BCAT2: variants seen among roughly 807,000 people sequenced by gnomAD.
BCAT2 encodes the protein branched chain amino acid transaminase 2.
Under a neutral mutation model 52.9 loss-of-function variants are expected in BCAT2, and 44 were observed. That is an observed-to-expected ratio of 0.83 (90% CI 0.65 to 1.07). The LOEUF is 1.07. Ranked by LOEUF, BCAT2 falls within the 50% of genes least tolerant of loss-of-function variation. The pLI is 0.00. For synonymous variants in BCAT2, 215 were observed against 217.1 expected (o/e 0.99, Z 0.08); for missense variants, 478 against 521.8 (o/e 0.92, Z 0.82).
rs2034782900 is a variant in BCAT2, at chr19:48,806,501, C to T, written c.300+16G>A. ...ATGCAGACAGGGACAGGGAGAGAGG[C>T]CGGCCGCCATGCCACCTGCAGGGAG... On this transcript the variant is annotated intron_variant, in intron 3 of 10. Transcript: ENST00000316273. 6.2e-7 allele frequency: 1 copy of T among 1,613,206 alleles called. No homozygotes were observed. Among genetic ancestry groups the T allele is most frequent in the South Asian group, 1.1e-5 (1 of 91,042 alleles).
intron 3 of BCAT2, among the ~76,000 whole-genome samples, chr19:48,804,156 C>CATAAATAA (rs55857832): frequency 0.73 from 110,297 of 151,022 alleles, 40,505 homozygotes; most frequent in African/African-American, 0.79. Context: ...AACTCTATCT[C>CATAAATAA]ATAAATAAAT....
Position 48,807,277 on chromosome 19 carries a change from T to G in BCAT2, c.25-203A>C, listed in dbSNP as rs1343392417. 1.5e-5 allele frequency: 8 copies of G among 519,294 alleles called. No homozygotes were observed. Among genetic ancestry groups the G allele is most frequent in the Non-Finnish European group, 2.7e-5 (8 of 292,864 alleles). 32.2% of individuals were successfully genotyped at this position (519,294 alleles called of 1,614,324 possible). On this transcript the variant is annotated intron_variant, in intron 1 of 10. Transcript: ENST00000316273. The surrounding 1 kb of genome is among the most constrained non-coding windows in gnomAD (Gnocchi z 4.6). ...CGAGGGCTCGCTGGAAAGAGCTGAGTCAGCTCCCGCCCCCTCCTCCATGCT... is the reference window on the plus strand; with the variant it reads ...CGAGGGCTCGCTGGAAAGAGCTGAGGCAGCTCCCGCCCCCTCCTCCATGCT...
At chr19:48,798,334 T>C (rs1340727199) in intron 6 of BCAT2, among the ~76,000 whole-genome samples, 1 of 152,210 alleles carries the variant, frequency 6.6e-6, no homozygotes, top group African/African-American at 2.4e-5. Flanking sequence ...CTCCCAGAGA[T>C]AGCCTCTCCC....
chr19:48,798,014 C>T (rs921513143), intron 6 of BCAT2, among the ~76,000 whole-genome samples: 7 of 151,814 alleles, frequency 4.6e-5, no homozygotes, highest in African/African-American at 7.3e-5. Context: ...TTTATATGCC[C>T]GCCTCAGCCC....
intron 3 of BCAT2, among the ~76,000 whole-genome samples, chr19:48,806,175 C>T (rs912267249): frequency 1.4e-5 from 2 of 146,896 alleles, no homozygotes; most frequent in Non-Finnish European, 3.0e-5. Flanking sequence ...CCACCATCCC[C>T]CTCTAAGCTT....
intron 9 of BCAT2, 34 bp downstream of exon 9, chr19:48,796,544 T>C: frequency 6.3e-7 from 1 of 1,596,070 alleles, no homozygotes; most frequent in African/African-American, 1.3e-5. Context: ...CCTCCCCTCC[T>C]TCCCTCCCAC....
intron 1 of BCAT2, among the ~76,000 whole-genome samples, chr19:48,809,092 A>AAAAAGACC (rs2034861404): frequency 6.7e-6 from 1 of 148,342 alleles, no homozygotes; most frequent in Non-Finnish European, 1.5e-5. Context: ...AAAAAAAAAA[A>AAAAAGACC]AAAAGACCAG....
At chr19:48,806,323 G>C (rs1004852576) in intron 3 of BCAT2, among the ~76,000 whole-genome samples, 194 bp downstream of exon 3, 3 of 151,678 alleles carry the variant, frequency 2.0e-5, no homozygotes, top group Non-Finnish European at 4.4e-5. Flanking sequence ...AAGGAACCGG[G>C]TCTGCTCATC....
chr19:48,795,468 C>A lies in BCAT2; in HGVS notation c.1141-4G>T, dbSNP rs1197175588. 1.2e-6 allele frequency: 2 copies of A among 1,613,644 alleles called. No homozygotes were observed. The highest frequency in any genetic ancestry group is 2.7e-5 in the African/African-American group (2 of 74,904). On this transcript the variant is annotated splice_polypyrimidine_tract_variant and splice_region_variant and intron_variant, in intron 10 of 10. Coordinates refer to ENST00000316273, the MANE Select transcript of BCAT2 (RefSeq NM_001190.4). ...ACTCGTGGGCTCTGATTCCGTACTGCGGAACAACGGAGGCAGTGCGTGAGG... is the reference window on the plus strand; with the variant it reads ...ACTCGTGGGCTCTGATTCCGTACTGAGGAACAACGGAGGCAGTGCGTGAGG...
At chr19:48,810,097 C>T (rs1247812106) in intron 1 of BCAT2, among the ~76,000 whole-genome samples, 1 of 152,130 alleles carries the variant, frequency 6.6e-6, no homozygotes, top group Non-Finnish European at 1.5e-5. Context: ...AGGAGTGTCA[C>T]CACTAAAGCC....
chr19:48,799,825 A>G lies in BCAT2; in HGVS notation c.545T>C (p.Val182Ala). The G allele has an allele frequency of 6.4e-7, 1 of 1,558,276 alleles. No individual in the cohort carries two copies. Among genetic ancestry groups the G allele is most frequent in the Non-Finnish European group, 8.7e-7 (1 of 1,151,058 alleles). Residue 182 changes from valine to alanine, a missense_variant, in exon 6 of 11, where the codon GTC (valine) becomes GCC (alanine). By Grantham distance (64) the Val-to-Ala change is moderately conservative. Transcript: ENST00000316273. The surrounding 1 kb of genome is among the most constrained non-coding windows in gnomAD (Gnocchi z 5.5). ...CAGGAGCGCGCGCGTGGGCTGGCTGACACCCAGCGAGGGCTGCGACGGGCA... is the reference window on the plus strand; with the variant it reads ...CAGGAGCGCGCGCGTGGGCTGGCTGGCACCCAGCGAGGGCTGCGACGGGCA... ...VLIGNEPSLG[V>A]SQPTRALLFV...
In BCAT2 at chr19:48,795,320, T is replaced by C. The variant is rs2034477120; in HGVS notation, c.*106A>G. On this transcript the variant is annotated 3_prime_UTR_variant, in exon 11 of 11. Transcript: ENST00000316273. ...CGCCAGAGACCCAGACGCCGCCCGC[T>C]GGCCTTTTATTTCGTATTGCACTTC... The C allele has an allele frequency of 6.7e-7, 1 of 1,486,070 alleles. No homozygotes were observed. Among genetic ancestry groups the C allele is most frequent in the Non-Finnish European group, 9.3e-7 (1 of 1,080,316 alleles). 92.1% of individuals were successfully genotyped at this position (1,486,070 alleles called of 1,614,324 possible).
intron 7 of BCAT2, 70 bp from the exon 8 acceptor site, chr19:48,797,092 C>A: frequency 1.2e-6 from 2 of 1,608,800 alleles, no homozygotes; most frequent in South Asian, 2.2e-5. Context: ...AGAGCCACCC[C>A]CTTCCCCCAT....
rs2034623041 is a variant in BCAT2 at position 48,800,063 on chromosome 19, C to T, written c.449G>A (p.Arg150Gln). Residue 150 changes from arginine to glutamine, a missense_variant, in exon 5 of 11, where the codon CGG becomes CAG. Transcript: ENST00000316273. ...CCAGTCCTTGTCCACTTCGATGAGC[C>T]GGCGGATGCACTCCAGCAACTCCAG... The part of the protein sequence containing the change: ...DKLELLECIR[R>Q]LIEVDKDWVP... 1.2e-6 allele frequency: 2 copies of T among 1,613,884 alleles called. No individual in the cohort carries two copies. The highest frequency in any genetic ancestry group is 1.3e-5 in the African/African-American group (1 of 74,928).
Position 48,806,731 on chromosome 19 carries a change from G to C in BCAT2, c.100-14C>G. 1 of 1,611,098 alleles carries C rather than the reference G, an allele frequency of 6.2e-7. No homozygotes were observed. Among genetic ancestry groups the C allele is most frequent in the Non-Finnish European group, 8.5e-7 (1 of 1,179,880 alleles). On this transcript the variant is annotated splice_polypyrimidine_tract_variant and intron_variant, in intron 2 of 10. Transcript: ENST00000316273. ...CAGGTCTGCAGCCTGAGGAAAGACA[G>C]GGGTATCCTAGAATCTGGCCACAAC...
intron 3 of BCAT2, among the ~76,000 whole-genome samples, chr19:48,805,305 G>C (rs2122685511): frequency 6.6e-6 from 1 of 152,190 alleles, no homozygotes; most frequent in East Asian, 1.9e-4. Context: ...GTCCCCATGT[G>C]GGGACAGGCC....
intron 1 of BCAT2, chr19:48,810,736 CTT>C (rs35945446): frequency 0.098 from 69,121 of 705,878 alleles, 4 homozygotes; most frequent in Middle Eastern, 0.12. Context: ...CCATGTTTCC[CTT>C]TTTTTTTTTT....
intron 10 of BCAT2, chr19:48,796,032 A>G (rs1287934190): frequency 5.3e-6 from 2 of 376,808 alleles, no homozygotes; most frequent in Non-Finnish European, 9.6e-6. Flanking sequence ...TGATTCATGG[A>G]AAGGGCCTTT....
chr19:48,808,399 A>AC, intron 1 of BCAT2: 7 of 311,798 alleles, frequency 2.2e-5, no homozygotes, highest in Non-Finnish European at 2.7e-5. Flanking sequence ...GCGCACAAAC[A>AC]GAAAAAAAAA....
Sources: gnomAD v4.1 joint callset for allele counts (sites outside exome capture counted in the v4.1 genomes callset) on GRCh38, gnomAD v4.1.1 for gene constraint, Gnocchi (gnomAD v3.1) non-coding constraint, MANE v1.5 for transcripts, NCBI Gene and HGNC (gene_info 2026-07-23, HGNC 2026-07-21) for gene names.